The following HIVEP1 variants were observed in gnomAD, a reference collection of about 807,000 sequenced individuals.
HIVEP1 encodes the protein HIVEP zinc finger 1.
A neutral mutation model predicts 180.0 loss-of-function variants in HIVEP1; 36 were observed. That is an observed-to-expected ratio of 0.20 (90% confidence interval 0.15 to 0.26). The LOEUF is 0.26. Among genes scored for constraint, HIVEP1 ranks in the 10% least tolerant of loss-of-function variants. HIVEP1 has a pLI of 1.00. For synonymous variants in HIVEP1, 1,239 were observed against 1,239.0 expected (o/e 1.00, Z 0.00); for missense variants, 3,143 against 3,268.7 (o/e 0.96, Z 0.94).
chr6:12,098,140 G>A (rs1773882339), intron 3 of HIVEP1, among the ~76,000 whole-genome samples: 2 of 152,120 alleles, frequency 1.3e-5, no homozygotes, highest in Admixed American at 1.3e-4. Context: ...ATGACACAGT[G>A]CTCTTATAAT....
the HIVEP1 span, among the ~76,000 whole-genome samples, chr6:12,180,366 G>A: frequency 6.6e-6 from 1 of 152,100 alleles, no homozygotes; most frequent in Non-Finnish European, 1.5e-5. Flanking sequence ...CATTTGCAGC[G>A]ATTCACAAAC....
chr6:12,080,921 C>T (rs1772747119), intron 2 of HIVEP1, among the ~76,000 whole-genome samples: 1 of 152,132 alleles, frequency 6.6e-6, no homozygotes, highest in African/African-American at 2.4e-5. Context: ...TCTGGATCTT[C>T]TAAAAACCCT....
At chr6:12,193,655 T>C in the HIVEP1 span, among the ~76,000 whole-genome samples, 1 of 152,220 alleles carries the variant, frequency 6.6e-6, no homozygotes, top group Non-Finnish European at 1.5e-5. Flanking sequence ...TAAAGCTCAA[T>C]TAATCCGCTA....
In HIVEP1 at chr6:12,124,983, T is replaced by C. The variant is rs762860565; in HGVS notation, c.5188T>C (p.Ser1730Pro). ...SESLPITQKI[S>P]VGRLSPQQES... Reference sequence around the variant, plus strand: ...ATCCTTGCCCATAACTCAGAAAATATCTGTTGGTCGACTTTCCCCTCAACA... The same window carrying C: ...ATCCTTGCCCATAACTCAGAAAATACCTGTTGGTCGACTTTCCCCTCAACA... Residue 1730 changes from serine (S) to proline (P), a missense_variant, in exon 4 of 9, where the codon TCT becomes CCT. Ser to Pro is a moderately conservative substitution (Grantham distance 74, BLOSUM62 -1). Around this residue, in one of 12 missense-constraint regions of HIVEP1, gnomAD observed 1,357 missense variants for 1,260.5 expected, o/e 1.08. Coordinates refer to ENST00000379388, the MANE Select transcript of HIVEP1 (RefSeq NM_002114.4). 12 of 1,614,144 alleles carry C rather than the reference T, an allele frequency of 7.4e-6. No individual in the cohort carries two copies. The Admixed American group carries it at 1.5e-4, about 20-fold the overall frequency.
At position 12,075,730 on chromosome 6, in the gene HIVEP1, C is replaced by T. The variant is rs374170687; in HGVS notation, c.41-13454C>T. Among the ~76,000 whole-genome samples, 6 of 151,904 alleles carry T rather than the reference C, an allele frequency of 3.9e-5. No homozygotes were observed. The South Asian group carries it at 6.2e-4, about 16-fold the overall frequency. On this transcript the variant is annotated intron_variant, in intron 2 of 8. Coordinates refer to ENST00000379388, the MANE Select transcript of HIVEP1 (RefSeq NM_002114.4). ...AGTCTGGTTGCATTTACTACTCTGGCTACTTCCACCCTCCCACATTGCTTT... is the reference window on the plus strand; with the variant it reads ...AGTCTGGTTGCATTTACTACTCTGGTTACTTCCACCCTCCCACATTGCTTT...
intron 3 of HIVEP1, among the ~76,000 whole-genome samples, chr6:12,116,993 A>G (rs1775254478): frequency 6.6e-6 from 1 of 152,242 alleles, no homozygotes; most frequent in Non-Finnish European, 1.5e-5. Context: ...CTATCAGTCC[A>G]AAACTAATGA....
chr6:12,161,435 T>A lies in HIVEP1; in HGVS notation c.6488-4T>A. On this transcript the variant is annotated splice_polypyrimidine_tract_variant and splice_region_variant and intron_variant, in intron 7 of 8. Transcript: ENST00000379388. ...ATCACATACCTCTTGGTTGTTTTTA[T>A]TAGATGAAAAACAGAGATTCAGTTA... 1.9e-6 allele frequency: 3 copies of A among 1,605,946 alleles called. No homozygotes were observed. The highest frequency in any genetic ancestry group is 2.6e-6 in the Non-Finnish European group (3 of 1,174,548).
downstream of HIVEP1, among the ~76,000 whole-genome samples, chr6:12,168,203 CAT>C (rs374732967): frequency 1.0e-5 from 1 of 99,070 alleles, no homozygotes; most frequent in Admixed American, 1.2e-4. Context: ...TGTATATATA[CAT>C]ATATACATAT....
At chr6:12,017,497 A>C (rs1284249388) in intron 2 of HIVEP1, among the ~76,000 whole-genome samples, 1 of 152,240 alleles carries the variant, frequency 6.6e-6, no homozygotes, top group Non-Finnish European at 1.5e-5. Context: ...GAGCACAACA[A>C]CAAAGCTTCC....
chr6:12,186,548 A>AAG, the HIVEP1 span, among the ~76,000 whole-genome samples: 1 of 2,778 alleles, frequency 3.6e-4, no homozygotes, highest in East Asian at 0.25. Context: ...TCAAATTGTT[A>AAG]AAAAAAAAAA....
At chr6:12,168,402 A>G (rs1333096773), downstream of HIVEP1, among the ~76,000 whole-genome samples, 1 of 136,342 alleles carries the variant, frequency 7.3e-6, no homozygotes, top group Non-Finnish European at 1.6e-5. Flanking sequence ...ATAATATTTT[A>G]TATAATATAT....
Position 12,129,523 on chromosome 6 carries a change from G to A in HIVEP1, c.6076-236G>A, listed in dbSNP as rs543072995. ...GAGGTTGTAAAGCCTTTATTTGGGGGTGTCAGTGAACTGTGGTGGAATTTT... is the reference window on the plus strand; with the variant it reads ...GAGGTTGTAAAGCCTTTATTTGGGGATGTCAGTGAACTGTGGTGGAATTTT... On this transcript the variant is annotated intron_variant, in intron 4 of 8. Coordinates refer to ENST00000379388, the MANE Select transcript of HIVEP1 (RefSeq NM_002114.4). 7.6e-5 allele frequency: 46 copies of A among 605,842 alleles called. No individual in the cohort carries two copies. The African/African-American group carries it at 8.0e-4, about 10-fold the overall frequency. 37.5% of individuals were successfully genotyped at this position (605,842 alleles called of 1,614,324 possible).
intron 2 of HIVEP1, among the ~76,000 whole-genome samples, chr6:12,058,710 C>T (rs1320240151): frequency 6.6e-6 from 1 of 152,118 alleles, no homozygotes; most frequent in East Asian, 1.9e-4. Flanking sequence ...GCAAGCAGCC[C>T]AGGCGCAAAC....
At chr6:12,041,860 C>T (rs539395088) in intron 2 of HIVEP1, among the ~76,000 whole-genome samples, 71 of 151,848 alleles carry the variant, frequency 4.7e-4, no homozygotes, top group South Asian at 2.1e-4. Context: ...GGGTTTTCAC[C>T]GTGTTAGCTA....
chr6:12,013,861 C>T (rs902238884), intron 1 of HIVEP1, among the ~76,000 whole-genome samples: 9 of 152,188 alleles, frequency 5.9e-5, no homozygotes, highest in African/African-American at 1.9e-4. Flanking sequence ...TTAAAAATTG[C>T]AAATAATTTT....
chr6:12,010,606 G>A (rs78825705), upstream of HIVEP1, among the ~76,000 whole-genome samples: 3,689 of 147,758 alleles, frequency 0.025, 59 homozygotes, highest in Middle Eastern at 0.049. Flanking sequence ...TTTCATCAGG[G>A]ATTTTTTTTT....
Position 12,120,649 on chromosome 6 carries a change from A to G in HIVEP1, c.854A>G (p.His285Arg). The G allele has an allele frequency of 1.2e-6, 2 of 1,614,200 alleles. No homozygotes were observed. Among genetic ancestry groups the G allele is most frequent in the Non-Finnish European group, 8.5e-7 (1 of 1,180,032 alleles). Residue 285 changes from histidine (H) to arginine (R), a missense_variant, in exon 4 of 9, where the codon CAT becomes CGT. Around this residue, in one of 12 missense-constraint regions of HIVEP1, gnomAD observed 306 missense variants for 310.6 expected, o/e 0.99. Transcript: ENST00000379388. ...GAMQSASHLY[H>R]QHEHFVPKSN... ...ATGCAGTCAGCTTCTCATTTGTATC[A>G]TCAACATGAACACTTTGTTCCCAAA...
intron 2 of HIVEP1, among the ~76,000 whole-genome samples, chr6:12,065,035 A>G (rs1771479215): frequency 6.6e-6 from 1 of 152,214 alleles, no homozygotes; most frequent in Admixed American, 6.5e-5. Context: ...TTCACACATA[A>G]TAGATAATTT....
chr6:12,079,945 T>G (rs1772659649), intron 2 of HIVEP1, among the ~76,000 whole-genome samples: 1 of 151,402 alleles, frequency 6.6e-6, no homozygotes, highest in Non-Finnish European at 1.5e-5. Context: ...TCTATCTATC[T>G]ATCTATCTAT....
Sources: allele counts gnomAD v4.1 joint callset (sites outside exome capture counted in the v4.1 genomes callset), GRCh38; gene constraint gnomAD v4.1.1; regional missense constraint gnomAD v4.1.1; transcripts MANE v1.5; gene names NCBI Gene and HGNC (gene_info 2026-07-23, HGNC 2026-07-21).